SEZ6: variants seen among roughly 807,000 people sequenced by gnomAD.
SEZ6 encodes the protein seizure related 6 homolog, also known as seizure protein 6 homolog.
A neutral mutation model predicts 101.0 loss-of-function variants in SEZ6; 53 were observed. The ratio of observed to expected loss-of-function variants is 0.52; its 90% CI spans 0.42 to 0.66. SEZ6 has a LOEUF of 0.66. Among genes scored for constraint, SEZ6 ranks in the 30% least tolerant of loss-of-function variants. The probability of loss-of-function intolerance (pLI) is 0.00; values close to 1 mark genes in which losing one functional copy is unlikely to be tolerated. For synonymous variants in SEZ6, 488 were observed against 512.2 expected (o/e 0.95, Z 0.64); for missense variants, 1,102 against 1,289.4 (o/e 0.85, Z 2.23).
intron 4 of SEZ6, among the ~76,000 whole-genome samples, chr17:28,965,282 G>C (rs2152685176): frequency 6.6e-6 from 1 of 152,318 alleles, no homozygotes; most frequent in Admixed American, 6.5e-5. Flanking sequence ...AACCCGGCAG[G>C]TGGAGGTTGC....
intron 1 of SEZ6, among the ~76,000 whole-genome samples, chr17:28,996,037 G>A (rs2041532681): frequency 6.6e-6 from 1 of 151,408 alleles, no homozygotes; most frequent in African/African-American, 2.4e-5. Context: ...TGGAGTCTCT[G>A]TTGCTCAGGC....
In SEZ6 at chr17:28,986,748, C is replaced by T. The variant is rs1356168195; in HGVS notation, c.56-4709G>A. 4.6e-5 allele frequency among the ~76,000 whole-genome samples: 7 copies of T among 152,330 alleles called. No individual in the cohort carries two copies. The East Asian group carries it at 1.2e-3, about 25-fold the overall frequency. On this transcript the variant is annotated intron_variant, in intron 1 of 16. Transcript: ENST00000317338. ...GGGTTCCAATCCCAAATCGATGTGA[C>T]ACTAGCTGTGTGACCTGGGCGGGGG...
chr17:28,992,487 A>G (rs1353323821), intron 1 of SEZ6, among the ~76,000 whole-genome samples: 2 of 152,150 alleles, frequency 1.3e-5, no homozygotes, highest in African/African-American at 4.8e-5. Flanking sequence ...TCCCTGCCCA[A>G]GGATGCCACA....
intron 2 of SEZ6, among the ~76,000 whole-genome samples, chr17:28,980,331 C>T (rs1240904809): frequency 1.3e-5 from 2 of 151,394 alleles, no homozygotes; most frequent in African/African-American, 4.9e-5. Flanking sequence ...CTCAGCTTCC[C>T]GAGTAGCTAG....
Position 28,956,145 on chromosome 17 carries a change from G to A in SEZ6, c.2952+14C>T. ...GGTCTTGGATAGGGTGGCAAGGCTG[G>A]CATGGTTACTTACTCCAGTCTCGTA... On this transcript the variant is annotated intron_variant, in intron 16 of 16. Transcript: ENST00000317338. 6.3e-7 allele frequency: 1 copy of A among 1,599,466 alleles called. No homozygotes were observed.
At chr17:29,000,108 G>A (rs1039682105) in intron 1 of SEZ6, among the ~76,000 whole-genome samples, 1 of 152,204 alleles carries the variant, frequency 6.6e-6, no homozygotes, top group Admixed American at 6.5e-5. Flanking sequence ...TGTATACAAA[G>A]CACTTCGTAC....
At chr17:29,002,811 C>T (rs940257098) in intron 1 of SEZ6, among the ~76,000 whole-genome samples, 3 of 152,218 alleles carry the variant, frequency 2.0e-5, no homozygotes, top group African/African-American at 7.2e-5. Context: ...GTTAAGGCAG[C>T]CCTCGTTTGT....
chr17:29,002,762 T>C (rs1450712649), intron 1 of SEZ6, among the ~76,000 whole-genome samples: 1 of 152,212 alleles, frequency 6.6e-6, no homozygotes, highest in Non-Finnish European at 1.5e-5. Flanking sequence ...ATCCAGCACC[T>C]ACCAAGGAGT....
rs1198284800 is a variant in SEZ6, at chr17:28,954,971, G to A, written c.*991C>T. The A allele has an allele frequency of 8.6e-6, 1 of 116,454 alleles. No homozygotes were observed. Among genetic ancestry groups the A allele is most frequent in the East Asian group, 2.8e-4 (1 of 3,628 alleles). 7.2% of individuals were successfully genotyped at this position (116,454 alleles called of 1,614,324 possible). On this transcript the variant is annotated 3_prime_UTR_variant, in exon 17 of 17. Coordinates refer to ENST00000317338, the MANE Select transcript of SEZ6 (RefSeq NM_178860.5). The stretch of plus-strand genomic sequence containing the variant: ...TAATAAGGAAACAACAGAAATAAAA[G>A]ATTGTTCTCTGGCTGGAGCCCAGAC...
Position 28,998,033 on chromosome 17 carries a change from G to A in SEZ6, c.55+7782C>T, listed in dbSNP as rs558038191. 8.2e-4 allele frequency among the ~76,000 whole-genome samples: 125 copies of A among 152,098 alleles called. 1 individual carries two copies. Among genetic ancestry groups the A allele is most frequent in the African/African-American group, 2.9e-3 (122 of 41,494 alleles). On this transcript the variant is annotated intron_variant, in intron 1 of 16. Transcript: ENST00000317338. ...GACCCAGGCCAGACACTCAGCAGGT[G>A]GCTGCCTGGGGGACAAAGGAGTTGG...
At chr17:29,003,897 C>T (rs957831321) in intron 1 of SEZ6, among the ~76,000 whole-genome samples, 1 of 152,160 alleles carries the variant, frequency 6.6e-6, no homozygotes, top group African/African-American at 2.4e-5. Context: ...GGGACACTGC[C>T]CAGGGACACA....
chr17:28,988,102 A>T (rs1426939196), intron 1 of SEZ6, among the ~76,000 whole-genome samples: 2 of 152,188 alleles, frequency 1.3e-5, no homozygotes, highest in African/African-American at 4.8e-5. Flanking sequence ...GGAACTTCTC[A>T]TCGTCAGAAC....
intron 3 of SEZ6, among the ~76,000 whole-genome samples, chr17:28,976,891 A>C (rs1345544886): frequency 1.3e-5 from 2 of 151,724 alleles, no homozygotes; most frequent in East Asian, 1.9e-4. Context: ...GCCTTCCCTG[A>C]CCCCCAGGCT....
chr17:28,993,218 G>T (rs1025630560), intron 1 of SEZ6, among the ~76,000 whole-genome samples: 1 of 151,946 alleles, frequency 6.6e-6, no homozygotes, highest in African/African-American at 2.4e-5. Context: ...TCCTAGGTAG[G>T]GCTGGAGCTG....
At chr17:28,988,738 G>A (rs1254008761) in intron 1 of SEZ6, among the ~76,000 whole-genome samples, 1 of 152,204 alleles carries the variant, frequency 6.6e-6, no homozygotes, top group Non-Finnish European at 1.5e-5. Flanking sequence ...ACCTCCTCTT[G>A]GCCAGGCTCC....
At chr17:28,979,134 G>A (rs1054793707) in intron 3 of SEZ6, among the ~76,000 whole-genome samples, 7 of 152,044 alleles carry the variant, frequency 4.6e-5, no homozygotes, top group African/African-American at 9.7e-5. Flanking sequence ...CTCAGGCCTC[G>A]GGATTAAGAG....
chr17:28,972,360 A>T (rs1022280016), intron 3 of SEZ6, among the ~76,000 whole-genome samples: 1 of 152,234 alleles, frequency 6.6e-6, no homozygotes, highest in Admixed American at 6.5e-5. Context: ...AGCATAGAGG[A>T]TGCTGAGCCC....
intron 3 of SEZ6, among the ~76,000 whole-genome samples, chr17:28,976,157 G>C (rs1291224993): frequency 6.6e-6 from 1 of 152,244 alleles, no homozygotes; most frequent in Non-Finnish European, 1.5e-5. Context: ...CAGACCTTCA[G>C]CCTCAGAGGG....
rs61738539 is a variant in SEZ6, at chr17:28,981,485, C to A, written c.610G>T (p.Ala204Ser). ...ATGGTCCCCTGGATCCCGATCCCTG[C>A]GCCCTGGGACACAACCTCTGCAACC... ...PWVAEVVSQG[A>S]GIGIQGTITS... Residue 204 changes from alanine (A) to serine (S), a missense_variant, in exon 2 of 17, where the codon GCA becomes TCA. By Grantham distance (99) the Ala-to-Ser change is moderately conservative. This residue lies in a region of SEZ6 where 406 missense variants were observed against 418.6 expected (regional missense o/e 0.97). Transcript: ENST00000317338. 2 of 1,593,674 alleles carry A rather than the reference C, an allele frequency of 1.3e-6. No homozygotes were observed. The highest frequency in any genetic ancestry group is 1.3e-5 in the African/African-American group (1 of 74,592).
Sources: allele counts gnomAD v4.1 joint callset (sites outside exome capture counted in the v4.1 genomes callset), GRCh38; gene constraint gnomAD v4.1.1; regional missense constraint gnomAD v4.1.1; transcripts MANE v1.5; gene names NCBI Gene and HGNC (gene_info 2026-07-23, HGNC 2026-07-21).